CTCF: variants seen among roughly 807,000 people sequenced by gnomAD.
CTCF encodes the protein transcriptional repressor CTCF.
CTCF carries 7 observed loss-of-function variants against 72.3 expected under a neutral mutation model. The observed-to-expected ratio is 0.10, with a 90% CI of 0.06 to 0.18. The LOEUF is 0.18. Among genes scored for constraint, CTCF ranks in the 10% least tolerant of loss-of-function variants. The pLI is 1.00. For missense variants in CTCF, 516 were observed against 949.1 expected (o/e 0.54, Z 6.00); for synonymous variants, 374 against 315.8 (o/e 1.18, Z -1.95).
chr16:67,563,720 C>T (rs1040838783), intron 1 of CTCF: 5 of 152,260 alleles, frequency 3.3e-5, no homozygotes, highest in Non-Finnish European at 5.9e-5. Context: ...TCATTCTGAT[C>T]TCAAGTGACG....
rs1338729892 is a variant in CTCF, at chr16:67,628,405, C to T, written c.1554C>T (p.Thr518=). 1.1e-5 allele frequency: 18 copies of T among 1,614,034 alleles called. No homozygotes were observed. The highest frequency in any genetic ancestry group is 3.3e-5 in the South Asian group (3 of 91,086). ...TGATCATGCACAAGCGCACCCACAC[C>T]GGGGAGAAGCCTTACGCCTGCAGCC... ...RHMIMHKRTH[T]GEKPYACSHC... Residue 518 remains threonine, a synonymous_variant, in exon 9 of 12, where the codon ACC becomes ACT. Coordinates refer to ENST00000264010, the MANE Select transcript of CTCF (RefSeq NM_006565.4).
chr16:67,593,574 T>C (rs549670680), intron 2 of CTCF, among the ~76,000 whole-genome samples: 1 of 152,310 alleles, frequency 6.6e-6, no homozygotes, highest in South Asian at 2.1e-4. Flanking sequence ...GTCTGAGGGT[T>C]CGTATCAACC....
chr16:67,577,229 T>C (rs2051509502), intron 2 of CTCF, among the ~76,000 whole-genome samples: 1 of 151,438 alleles, frequency 6.6e-6, no homozygotes, highest in Admixed American at 6.6e-5. Flanking sequence ...CCATCCTGGC[T>C]AACACAGTGA....
At chr16:67,628,696 G>T in intron 9 of CTCF, 144 bp downstream of exon 9, 1 of 807,202 alleles carries the variant, frequency 1.2e-6, no homozygotes, top group South Asian at 1.7e-5. Context: ...TCCCCATCTT[G>T]ATGTTTCTAT....
intron 4 of CTCF, 134 bp from the exon 5 acceptor site, chr16:67,616,611 A>C: frequency 2.0e-6 from 2 of 976,326 alleles, no homozygotes; most frequent in South Asian, 1.6e-5. Flanking sequence ...TGACTTTTGT[A>C]TCTGCTTTCA....
chr16:67,636,591 T>TATATA (rs1417479681), intron 10 of CTCF, 99 bp from the exon 11 acceptor site: 1 of 380,598 alleles, frequency 2.6e-6, no homozygotes, highest in African/African-American at 2.5e-5. Flanking sequence ...ATATATATAT[T>TATATA]TATAAAACAA....
intron 8 of CTCF, chr16:67,627,151 T>C (rs1213386963): frequency 1.3e-5 from 2 of 152,828 alleles, no homozygotes; most frequent in African/African-American, 4.8e-5. Flanking sequence ...CCTAGCACTT[T>C]GGGAGGCCGA....
chr16:67,583,294 T>TA (rs1360764077), intron 2 of CTCF, among the ~76,000 whole-genome samples: 10 of 152,094 alleles, frequency 6.6e-5, no homozygotes, highest in South Asian at 4.1e-4. Context: ...GCCTACTTCT[T>TA]ATTTTGAAAG....
At chr16:67,586,173 G>GGTGGAGC (rs2051666569) in intron 2 of CTCF, among the ~76,000 whole-genome samples, 2 of 152,158 alleles carry the variant, frequency 1.3e-5, no homozygotes, top group African/African-American at 4.8e-5. Context: ...GGCCAAGGCA[G>GGTGGAGC]GTGGAGCACT....
intron 2 of CTCF, among the ~76,000 whole-genome samples, chr16:67,574,651 T>C (rs12919189): frequency 9.9e-6 from 1 of 100,958 alleles, no homozygotes; most frequent in Non-Finnish European, 2.0e-5. Context: ...CAAAAGCATC[T>C]TTTTTTTTTT....
chr16:67,611,266 A>T lies in CTCF; in HGVS notation c.434A>T (p.Glu145Val). Reference protein sequence around the residue: ...QGAYENEVSKEGLAESEPMIC... With the variant: ...QGAYENEVSKVGLAESEPMIC... ...GCTTATGAAAATGAAGTGTCTAAAGAGGGCCTTGCGGAAAGTGAACCCATG... is the reference window on the plus strand; with the variant it reads ...GCTTATGAAAATGAAGTGTCTAAAGTGGGCCTTGCGGAAAGTGAACCCATG... Residue 145 changes from glutamate (E) to valine (V), a missense_variant, in exon 3 of 12, where the codon GAG (glutamate) becomes GTG (valine). Around this residue, in one of 7 missense-constraint regions of CTCF, gnomAD observed 148 missense variants for 194.9 expected, o/e 0.76. Coordinates refer to ENST00000264010, the MANE Select transcript of CTCF (RefSeq NM_006565.4). 2 of 1,614,154 alleles carry T rather than the reference A, an allele frequency of 1.2e-6. No individual in the cohort carries two copies. Among genetic ancestry groups the T allele is most frequent in the Non-Finnish European group, 1.7e-6 (2 of 1,180,020 alleles).
At chr16:67,567,006 G>A (rs1339261016) in intron 1 of CTCF, among the ~76,000 whole-genome samples, 3 of 152,116 alleles carry the variant, frequency 2.0e-5, no homozygotes, top group African/African-American at 7.2e-5. Context: ...CTCCTGGGTA[G>A]CTGGGACTAA....
intron 2 of CTCF, among the ~76,000 whole-genome samples, chr16:67,586,804 T>G (rs933827826): frequency 6.6e-6 from 1 of 151,876 alleles, no homozygotes; most frequent in African/African-American, 2.4e-5. Context: ...TTGTTTTGGG[T>G]TTTTTTTGAG....
At chr16:67,587,867 G>GTTTGT (rs956054014) in intron 2 of CTCF, among the ~76,000 whole-genome samples, 3 of 151,950 alleles carry the variant, frequency 2.0e-5, no homozygotes, top group Admixed American at 6.6e-5. Flanking sequence ...TTTTGTTGTT[G>GTTTGT]TTTGTTTTGT....
intron 2 of CTCF, among the ~76,000 whole-genome samples, chr16:67,601,966 C>T (rs780423617): frequency 3.3e-5 from 5 of 151,492 alleles, no homozygotes; most frequent in African/African-American, 4.9e-5. Context: ...AGGGTTCACG[C>T]GATTCTCCTG....
At chr16:67,566,597 G>A (rs1354966605) in intron 1 of CTCF, among the ~76,000 whole-genome samples, 2 of 150,538 alleles carry the variant, frequency 1.3e-5, no homozygotes, top group Non-Finnish European at 3.0e-5. Context: ...TTGTTTTGGA[G>A]ATGGAGTCTC....
chr16:67,572,054 A>G (rs1162025248), intron 2 of CTCF, among the ~76,000 whole-genome samples: 1 of 152,218 alleles, frequency 6.6e-6, no homozygotes, highest in Non-Finnish European at 1.5e-5. Context: ...GCAAAAAGGA[A>G]TGTAGAAGTG....
chr16:67,597,236 A>G (rs1327631487), intron 2 of CTCF, among the ~76,000 whole-genome samples: 5 of 151,930 alleles, frequency 3.3e-5, no homozygotes, highest in African/African-American at 1.2e-4. Context: ...GAGTATCTCC[A>G]TGTTTCCCAA....
intron 2 of CTCF, among the ~76,000 whole-genome samples, chr16:67,589,723 AC>A (rs1379205423): frequency 6.6e-6 from 1 of 151,794 alleles, no homozygotes; most frequent in Non-Finnish European, 1.5e-5. Flanking sequence ...ATATGCTTGT[AC>A]TCTCTCTCCC....
Sources: gnomAD v4.1 joint callset for allele counts (sites outside exome capture counted in the v4.1 genomes callset) on GRCh38, gnomAD v4.1.1 for gene constraint, gnomAD v4.1.1 regional missense constraint, MANE v1.5 for transcripts, NCBI Gene and HGNC (gene_info 2026-07-23, HGNC 2026-07-21) for gene names.